Variants in GPHN observed in about 807,000 individuals in gnomAD.
The protein encoded by GPHN is gephyrin.
A neutral mutation model predicts 95.5 loss-of-function variants in GPHN; 17 were observed. That is an observed-to-expected ratio of 0.18 (90% CI 0.12 to 0.27). The LOEUF (loss-of-function observed/expected upper bound fraction) is 0.27, where lower values mean the gene tolerates loss of function less well. GPHN is among the 10% of genes least tolerant of loss of function. The pLI is 1.00. For missense variants in GPHN, 660 were observed against 978.1 expected, an observed-to-expected ratio of 0.67 and a Z score of 4.34; for synonymous variants, 320 against 322.5, an observed-to-expected ratio of 0.99 and a Z score of 0.08.
intron 2 of GPHN, among the ~76,000 whole-genome samples, chr14:66,752,073 A>G (rs1307633429): frequency 6.6e-6 from 1 of 152,082 alleles, no homozygotes; most frequent in African/African-American, 2.4e-5. Context: ...AACTTCTGCT[A>G]GCTTCCAACT....
chr14:67,604,097 A>T, the GPHN span, among the ~76,000 whole-genome samples: 1 of 150,528 alleles, frequency 6.6e-6, no homozygotes, highest in East Asian at 2.0e-4. Context: ...GGTTCAAGCG[A>T]TTCTTGTGCC....
chr14:66,831,818 CTT>C (rs770235910), intron 4 of GPHN, among the ~76,000 whole-genome samples: 6 of 152,170 alleles, frequency 3.9e-5, no homozygotes, highest in Admixed American at 6.6e-5. Context: ...GCAAATAACT[CTT>C]TTAAGCATAT....
At chr14:66,562,157 T>G (rs77409671) in intron 1 of GPHN, among the ~76,000 whole-genome samples, 1,838 of 152,254 alleles carry the variant, frequency 0.012, 19 homozygotes, top group Non-Finnish European at 0.018. Flanking sequence ...AAAAATGTCC[T>G]TTTTTCCTCC....
intron 1 of GPHN, among the ~76,000 whole-genome samples, chr14:66,680,523 T>C (rs935401191): frequency 1.1e-4 from 16 of 152,338 alleles, no homozygotes; most frequent in African/African-American, 3.4e-4. Flanking sequence ...CTTCATCAGA[T>C]TCCAGTTTTT....
At chr14:66,661,241 G>C (rs2065627389) in intron 1 of GPHN, among the ~76,000 whole-genome samples, 1 of 152,216 alleles carries the variant, frequency 6.6e-6, no homozygotes, top group South Asian at 2.1e-4. Context: ...CAGCAACAGA[G>C]TTGTACCTAC....
intron 8 of GPHN, among the ~76,000 whole-genome samples, chr14:66,935,191 C>T (rs2067048448): frequency 6.6e-6 from 1 of 152,074 alleles, no homozygotes; most frequent in African/African-American, 2.4e-5. Flanking sequence ...ATAATATTAA[C>T]AACAGGCAAA....
rs577039955 is a variant in GPHN at position 67,101,200 on chromosome 14, A to T, written c.1293+289A>T. On this transcript the variant is annotated intron_variant, in intron 13 of 22. Transcript: ENST00000478722. ...TGATTCTTTTTTTCCTGAAAAAAAA[A>T]ATGTTCTGAATAGAACAATTTCTAG... 6.6e-5 allele frequency among the ~76,000 whole-genome samples: 10 copies of T among 152,208 alleles called. No homozygotes were observed. The South Asian group carries it at 1.0e-3, about 16-fold the overall frequency.
chr14:67,732,156 G>C, the GPHN span, among the ~76,000 whole-genome samples: 1 of 150,340 alleles, frequency 6.7e-6, no homozygotes, highest in African/African-American at 2.4e-5. Context: ...AAAATTTAAG[G>C]CTGGGTGTGG....
intron 17 of GPHN, among the ~76,000 whole-genome samples, chr14:67,135,363 T>G (rs1025993707): frequency 6.6e-6 from 1 of 152,204 alleles, no homozygotes; most frequent in Non-Finnish European, 1.5e-5. Flanking sequence ...TGAATCATTT[T>G]TTCATTTACA....
chr14:67,113,035 T>C lies in GPHN; in HGVS notation c.1490T>C (p.Ile497Thr). 6.2e-7 allele frequency: 1 copy of C among 1,613,870 alleles called. No individual in the cohort carries two copies. The highest frequency in any genetic ancestry group is 8.5e-7 in the Non-Finnish European group (1 of 1,179,810). The part of the protein sequence containing the change: ...GQDIRPIGHD[I>T]KRGECVLAKG... ...ACTTTCAGACCCATCGGCCATGACA[T>C]TAAAAGAGGGGAATGTGTTTTGGCC... The change falls in exon 16 of 23, where the codon ATT becomes ACT. Residue 497 changes from isoleucine to threonine, a missense_variant. Ile to Thr is a moderately conservative substitution (Grantham distance 89, BLOSUM62 -1). Coordinates refer to ENST00000478722, the MANE Select transcript of GPHN (RefSeq NM_020806.5).
chr14:67,648,230 T>C, the GPHN span: 4 of 1,566,594 alleles, frequency 2.6e-6, no homozygotes, highest in African/African-American at 1.4e-5. Flanking sequence ...TAGGTAAATA[T>C]GCTAGAGTCT....
At chr14:67,587,967 C>T in the GPHN span, 2 of 152,612 alleles carry the variant, frequency 1.3e-5, no homozygotes, top group African/African-American at 4.8e-5. Flanking sequence ...GCCTAGAACT[C>T]ACTAAACTGG....
At chr14:66,975,885 A>G (rs974489962) in intron 9 of GPHN, among the ~76,000 whole-genome samples, 2 of 152,170 alleles carry the variant, frequency 1.3e-5, no homozygotes, top group African/African-American at 4.8e-5. Context: ...AAAATAATAA[A>G]TAAATAAAAC....
intron 10 of GPHN, among the ~76,000 whole-genome samples, chr14:67,037,555 G>T (rs2074483526): frequency 6.6e-6 from 1 of 151,636 alleles, no homozygotes; most frequent in African/African-American, 2.4e-5. Flanking sequence ...TATCTGATAA[G>T]GGGTTAATAT....
At chr14:67,019,230 G>A (rs1442583766) in intron 9 of GPHN, among the ~76,000 whole-genome samples, 1 of 152,098 alleles carries the variant, frequency 6.6e-6, no homozygotes, top group Admixed American at 6.5e-5. Flanking sequence ...AATGTAAAAA[G>A]ATTAAAATTT....
At chr14:66,585,212 T>C (rs1269763476) in intron 1 of GPHN, among the ~76,000 whole-genome samples, 1 of 152,194 alleles carries the variant, frequency 6.6e-6, no homozygotes, top group Admixed American at 6.5e-5. Context: ...GTAGTTTGTA[T>C]TTCTGTGGGA....
At chr14:67,432,551 G>A in the GPHN span, among the ~76,000 whole-genome samples, 8 of 152,178 alleles carry the variant, frequency 5.3e-5, no homozygotes, top group Admixed American at 2.6e-4. Flanking sequence ...TTAGAGCATC[G>A]TACCTTTAAA....
At chr14:67,456,220 TC>T in the GPHN span, among the ~76,000 whole-genome samples, 4 of 152,100 alleles carry the variant, frequency 2.6e-5, no homozygotes, top group Admixed American at 2.6e-4. Context: ...GAGAAAATGC[TC>T]AACATCACTA....
At chr14:66,813,703 C>G (rs2060849419) in intron 3 of GPHN, among the ~76,000 whole-genome samples, 1 of 152,344 alleles carries the variant, frequency 6.6e-6, no homozygotes, top group Admixed American at 6.5e-5. Flanking sequence ...TCCCCCTAGA[C>G]TTCACTTGCT....
Sources: gnomAD v4.1 joint callset for allele counts (sites outside exome capture counted in the v4.1 genomes callset) on GRCh38, gnomAD v4.1.1 for gene constraint, MANE v1.5 for transcripts, NCBI Gene and HGNC (gene_info 2026-07-23, HGNC 2026-07-21) for gene names.